The following HAPSTR1 variants were observed in gnomAD, a reference collection of about 807,000 sequenced individuals.
HAPSTR1 encodes HUWE1-associated protein modifying stress responses 1.
chr16:9,091,703 A>AGCG, the HAPSTR1 span: 32 of 399,730 alleles, frequency 8.0e-5, no homozygotes, highest in South Asian at 3.8e-4. Flanking sequence ...CTCGGCGATC[A>AGCG]GCGGCGGCGG....
the HAPSTR1 span, chr16:9,092,894 T>G: frequency 7.9e-7 from 1 of 1,257,910 alleles, no homozygotes; most frequent in Non-Finnish European, 1.1e-6. Flanking sequence ...TCTTTTTGGT[T>G]TTTTTTTTTT....
chr16:9,103,312 G>T, the HAPSTR1 span: 1 of 1,563,940 alleles, frequency 6.4e-7, no homozygotes, highest in Admixed American at 1.9e-5. Flanking sequence ...GGGTGCCTGT[G>T]GACCCATTTT....
chr16:9,096,010 G>A, the HAPSTR1 span, among the ~76,000 whole-genome samples: 1 of 152,162 alleles, frequency 6.6e-6, no homozygotes, highest in Non-Finnish European at 1.5e-5. Flanking sequence ...ATTTTAATCT[G>A]GCTAGGGTTG....
the HAPSTR1 span, chr16:9,092,407 C>T: frequency 4.1e-6 from 3 of 731,170 alleles, no homozygotes; most frequent in South Asian, 6.8e-5. Context: ...GCTCCGCGGC[C>T]CTGCCGCCCC....
the HAPSTR1 span, among the ~76,000 whole-genome samples, chr16:9,093,483 G>C: frequency 6.6e-6 from 1 of 152,214 alleles, no homozygotes; most frequent in Non-Finnish European, 1.5e-5. Flanking sequence ...TTATGGAAAA[G>C]ATTCTTGAGT....
At chr16:9,100,840 T>C in the HAPSTR1 span, among the ~76,000 whole-genome samples, 19 of 152,314 alleles carry the variant, frequency 1.2e-4, no homozygotes, top group East Asian at 1.5e-3. Flanking sequence ...TGGCCATCTT[T>C]CTTTGCACTC....
the HAPSTR1 span, chr16:9,110,013 A>G: frequency 6.6e-6 from 1 of 152,160 alleles, no homozygotes; most frequent in Non-Finnish European, 1.5e-5. Context: ...AGGTGATTAA[A>G]AAAACAAAAA....
chr16:9,119,397 A>G, the HAPSTR1 span: 1 of 152,220 alleles, frequency 6.6e-6, no homozygotes, highest in Admixed American at 6.5e-5. Context: ...TAGACAGTTT[A>G]GTTTTGGGGA....
At chr16:9,108,037 A>G in the HAPSTR1 span, 1 of 152,226 alleles carries the variant, frequency 6.6e-6, no homozygotes, top group Non-Finnish European at 1.5e-5. Context: ...CAATCAGGGA[A>G]TAATGTAACC....
chr16:9,117,076 AGATG>A, the HAPSTR1 span: 1 of 954,042 alleles, frequency 1.0e-6, no homozygotes, highest in Non-Finnish European at 1.5e-6. Context: ...TATTTATAGT[AGATG>A]CCTCTTGTAA....
the HAPSTR1 span, among the ~76,000 whole-genome samples, chr16:9,098,164 C>T: frequency 1.3e-5 from 2 of 152,150 alleles, no homozygotes; most frequent in Non-Finnish European, 2.9e-5. Flanking sequence ...GAAACCGTAT[C>T]TCTACTAAAA....
chr16:9,091,808 C>A, the HAPSTR1 span: 1 of 384,760 alleles, frequency 2.6e-6, no homozygotes, highest in Non-Finnish European at 4.6e-6. Context: ...CCGCGGCGAC[C>A]TTCGGCCGGG....
the HAPSTR1 span, among the ~76,000 whole-genome samples, chr16:9,115,334 T>C: frequency 6.6e-6 from 1 of 152,210 alleles, no homozygotes; most frequent in East Asian, 1.9e-4. Flanking sequence ...CTTGAAAATC[T>C]TATAAGTCCT....
chr16:9,112,199 A>G, the HAPSTR1 span: 1 of 152,220 alleles, frequency 6.6e-6, no homozygotes, highest in Admixed American at 6.5e-5. Context: ...CATCTTAAAC[A>G]CGACATTGAC....
chr16:9,092,012 CGGT>C, the HAPSTR1 span: 50 of 1,471,462 alleles, frequency 3.4e-5, no homozygotes, highest in South Asian at 5.8e-4. Context: ...GACGCGGCGG[CGGT>C]GGCGGCGAGG....
At chr16:9,119,455 G>A in the HAPSTR1 span, 3 of 152,192 alleles carry the variant, frequency 2.0e-5, no homozygotes, top group Non-Finnish European at 4.4e-5. Context: ...TCTTTTAGAC[G>A]TCATAGCTCC....
the HAPSTR1 span, among the ~76,000 whole-genome samples, chr16:9,093,743 A>T: frequency 6.6e-6 from 1 of 152,006 alleles, no homozygotes; most frequent in African/African-American, 2.4e-5. Context: ...TGACATGAAG[A>T]TGTGTAAGTA....
At chr16:9,102,603 T>C in the HAPSTR1 span, among the ~76,000 whole-genome samples, 1 of 152,240 alleles carries the variant, frequency 6.6e-6, no homozygotes, top group African/African-American at 2.4e-5. Context: ...TAGGAATGTA[T>C]CTCCACAATG....
At chr16:9,096,796 G>C in the HAPSTR1 span, among the ~76,000 whole-genome samples, 1 of 152,108 alleles carries the variant, frequency 6.6e-6, no homozygotes, top group South Asian at 2.1e-4. Context: ...GCTGAGGCAG[G>C]AGGATTGCTT....
Sources: allele counts gnomAD v4.1 joint callset (sites outside exome capture counted in the v4.1 genomes callset), GRCh38; gene constraint gnomAD v4.1.1; transcripts MANE v1.5; gene names NCBI Gene and HGNC (gene_info 2026-07-23, HGNC 2026-07-21).